Variants in CACNA1E observed in about 807,000 individuals in gnomAD.
CACNA1E encodes calcium voltage-gated channel subunit alpha1 E.
A neutral mutation model predicts 259.2 loss-of-function variants in CACNA1E; 40 were observed. The ratio of observed to expected loss-of-function variants is 0.15; its 90% CI spans 0.12 to 0.20. CACNA1E has a LOEUF of 0.20. Among genes scored for constraint, CACNA1E ranks in the 10% least tolerant of loss-of-function variants. The pLI is 1.00. For synonymous variants in CACNA1E, 1,104 were observed against 1,138.5 expected, an observed-to-expected ratio of 0.97 and a Z score of 0.61; for missense variants, 1,874 against 3,040.1, an observed-to-expected ratio of 0.62 and a Z score of 9.02.
chr1:181,392,719 AAGAC>A (rs762113802), intron 1 of CACNA1E, among the ~76,000 whole-genome samples: 2 of 152,228 alleles, frequency 1.3e-5, no homozygotes, highest in Non-Finnish European at 2.9e-5. Flanking sequence ...CTTTAGAAAT[AAGAC>A]AGAGCAATAC....
chr1:181,322,497 GT>G (rs1485657185), intron 1 of CACNA1E, among the ~76,000 whole-genome samples: 13 of 152,226 alleles, frequency 8.5e-5, no homozygotes, highest in African/African-American at 3.1e-4. Flanking sequence ...AGTTGTTTAT[GT>G]GCAAATAAAG....
chr1:181,711,220 AT>A, intron 8 of CACNA1E, among the ~76,000 whole-genome samples, 151 bp downstream of exon 8: 1 of 152,230 alleles, frequency 6.6e-6, no homozygotes, highest in East Asian at 1.9e-4. Context: ...TTCCCTGCTC[AT>A]CCGACTTTCT....
chr1:181,647,159 T>A (rs1658349458), intron 6 of CACNA1E, among the ~76,000 whole-genome samples: 1 of 152,122 alleles, frequency 6.6e-6, no homozygotes, highest in South Asian at 2.1e-4. Context: ...TGACTGATAG[T>A]AGGTGTTGCA....
intron 6 of CACNA1E, among the ~76,000 whole-genome samples, chr1:181,641,919 G>T (rs2102007458): frequency 6.6e-6 from 1 of 151,926 alleles, no homozygotes; most frequent in South Asian, 2.1e-4. Context: ...TCACCATCTT[G>T]GCCAGGCTGG....
intron 1 of CACNA1E, among the ~76,000 whole-genome samples, chr1:181,487,632 G>A (rs955704181): frequency 2.6e-5 from 4 of 152,094 alleles, no homozygotes; most frequent in African/African-American, 9.7e-5. Context: ...TCATCTAATA[G>A]ATCTTCTCTG....
intron 1 of CACNA1E, among the ~76,000 whole-genome samples, chr1:181,500,716 C>T (rs544752660): frequency 6.6e-6 from 1 of 152,230 alleles, no homozygotes; most frequent in Non-Finnish European, 1.5e-5. Context: ...CAAGTCTTCC[C>T]TTTCCAAGCT....
intron 6 of CACNA1E, among the ~76,000 whole-genome samples, chr1:181,618,741 G>T (rs947138926): frequency 3.9e-5 from 6 of 152,178 alleles, no homozygotes; most frequent in Non-Finnish European, 7.3e-5. Flanking sequence ...AGACTATATT[G>T]ACGTTGATCA....
chr1:181,713,570 C>G (rs1334996962), intron 8 of CACNA1E, among the ~76,000 whole-genome samples: 2 of 152,200 alleles, frequency 1.3e-5, no homozygotes, highest in African/African-American at 4.8e-5. Flanking sequence ...TCAGTTTTAT[C>G]TGTAGCTGGA....
intron 2 of CACNA1E, among the ~76,000 whole-genome samples, chr1:181,455,568 A>G (rs2102351808): frequency 6.6e-6 from 1 of 152,306 alleles, no homozygotes; most frequent in Non-Finnish European, 1.5e-5. Flanking sequence ...CTTTCAATTA[A>G]CCAGGTCACT....
intron 21 of CACNA1E, among the ~76,000 whole-genome samples, chr1:181,735,102 A>G (rs1023494343): frequency 6.6e-5 from 10 of 151,834 alleles, no homozygotes; most frequent in African/African-American, 1.7e-4. Flanking sequence ...CCATTTCCGC[A>G]TCTTCTCTAT....
intron 1 of CACNA1E, among the ~76,000 whole-genome samples, chr1:181,391,981 T>TGTGTGTGTGTGTGTGTG: frequency 7.1e-6 from 1 of 141,728 alleles, no homozygotes; most frequent in Non-Finnish European, 1.6e-5. Context: ...GTGTGTGTGT[T>TGTGTGTGTGTGTGTGTG]TAGTGGAAGG....
intron 2 of CACNA1E, among the ~76,000 whole-genome samples, chr1:181,464,400 C>T (rs1036470616): frequency 1.2e-4 from 18 of 151,556 alleles, no homozygotes; most frequent in African/African-American, 3.6e-4. Flanking sequence ...TTCTTAAAGT[C>T]CCTCAAGAGA....
chr1:181,552,634 T>A (rs1268652565), intron 3 of CACNA1E, among the ~76,000 whole-genome samples: 3 of 152,226 alleles, frequency 2.0e-5, no homozygotes, highest in East Asian at 1.9e-4. Context: ...AAACATTTTT[T>A]AAAATCATTA....
In CACNA1E at chr1:181,643,570, A is replaced by G. The variant is rs570388499; in HGVS notation, c.952-7768A>G. 1.7e-4 allele frequency among the ~76,000 whole-genome samples: 26 copies of G among 152,204 alleles called. No homozygotes were observed. The East Asian group carries it at 4.6e-3, about 27-fold the overall frequency. On this transcript the variant is annotated intron_variant, in intron 6 of 47. Coordinates refer to ENST00000367573, the MANE Select transcript of CACNA1E (RefSeq NM_001205293.3). Reference sequence around the variant, plus strand: ...GGACTGCCCACATCTGGGGTGGGCCATGCCAGCCCTTGCAGCTGACCGGCC... The same window carrying G: ...GGACTGCCCACATCTGGGGTGGGCCGTGCCAGCCCTTGCAGCTGACCGGCC...
chr1:181,628,797 TC>T (rs1656434204), intron 6 of CACNA1E, among the ~76,000 whole-genome samples: 1 of 152,222 alleles, frequency 6.6e-6, no homozygotes. Context: ...TCATTAACTT[TC>T]CCTGTAATTT....
chr1:181,665,258 T>G (rs1173626938), intron 7 of CACNA1E, among the ~76,000 whole-genome samples: 2 of 152,136 alleles, frequency 1.3e-5, no homozygotes, highest in African/African-American at 4.8e-5. Context: ...TTTTCACACA[T>G]GTATATGATG....
chr1:181,401,085 C>T (rs976699742), intron 1 of CACNA1E, among the ~76,000 whole-genome samples: 15 of 152,212 alleles, frequency 9.9e-5, no homozygotes, highest in Non-Finnish European at 8.8e-5. Context: ...CTCCTTGCTG[C>T]TCCTAGCAAG....
intron 1 of CACNA1E, among the ~76,000 whole-genome samples, chr1:181,354,633 CAG>C (rs945205011): frequency 4.6e-5 from 7 of 152,300 alleles, no homozygotes; most frequent in African/African-American, 1.4e-4. Context: ...TCCATCCCTT[CAG>C]AGGGACACTG....
intron 8 of CACNA1E, among the ~76,000 whole-genome samples, chr1:181,713,950 C>A (rs935706499): frequency 4.6e-5 from 7 of 152,208 alleles, no homozygotes; most frequent in Non-Finnish European, 8.8e-5. Flanking sequence ...AGGGGACTGT[C>A]TGGTGTCATT....
Sources: allele counts gnomAD v4.1 joint callset (sites outside exome capture counted in the v4.1 genomes callset), GRCh38; gene constraint gnomAD v4.1.1; transcripts MANE v1.5; gene names NCBI Gene and HGNC (gene_info 2026-07-23, HGNC 2026-07-21).